CHST9: variants seen among roughly 807,000 people sequenced by gnomAD.
CHST9 encodes GalNAc-4-sulfotransferase 2.
In CHST9, 41 loss-of-function variants were observed where a neutral mutation model predicts 44.4. The ratio of observed to expected loss-of-function variants is 0.92; its 90% CI spans 0.72 to 1.20. CHST9 has a LOEUF of 1.20. Ranked by LOEUF, CHST9 falls within the 50% of genes most tolerant of loss-of-function variation. The pLI is 0.00. For missense variants in CHST9, 504 were observed against 516.5 expected (o/e 0.98, Z 0.23); for synonymous variants, 171 against 178.4 (o/e 0.96, Z 0.33).
intron 4 of CHST9, among the ~76,000 whole-genome samples, chr18:26,998,187 G>T (rs1280123335): frequency 6.6e-6 from 1 of 152,104 alleles, no homozygotes; most frequent in Non-Finnish European, 1.5e-5. Context: ...TCTCTCCGTT[G>T]TGCCCTCCTG....
At chr18:26,917,630 T>C (rs1478762031) in intron 5 of CHST9, among the ~76,000 whole-genome samples, 3 of 152,140 alleles carry the variant, frequency 2.0e-5, no homozygotes, top group African/African-American at 4.8e-5. Flanking sequence ...ACTCAACCAT[T>C]CTGAGCATCT....
At chr18:27,136,500 G>A (rs1374961491) in intron 2 of CHST9, among the ~76,000 whole-genome samples, 2 of 152,154 alleles carry the variant, frequency 1.3e-5, no homozygotes, top group South Asian at 2.1e-4. Context: ...ACTGCAGGGT[G>A]GCTTAGTTGG....
At chr18:26,969,366 C>CTGTGTGTGTGTGTGTGTGTGTG in intron 4 of CHST9, among the ~76,000 whole-genome samples, 1 of 99,492 alleles carries the variant, frequency 1.0e-5, no homozygotes, top group African/African-American at 6.7e-5. Context: ...TTGATTCTCT[C>CTGTGTGTGTGTGTGTGTGTGTG]TCTCTCTCTC....
intron 5 of CHST9, among the ~76,000 whole-genome samples, chr18:26,920,140 C>A (rs1225919773): frequency 1.3e-5 from 2 of 152,144 alleles, no homozygotes; most frequent in African/African-American, 4.8e-5. Context: ...GTTCCTTGAC[C>A]ACTTTGTTTT....
intron 4 of CHST9, among the ~76,000 whole-genome samples, chr18:26,949,669 C>T (rs1051081252): frequency 1.3e-5 from 2 of 152,198 alleles, no homozygotes; most frequent in African/African-American, 4.8e-5. Context: ...TAATGGCCCC[C>T]AACATGTCCA....
chr18:27,097,167 AAAAACC>A (rs2058125421), intron 2 of CHST9, among the ~76,000 whole-genome samples: 1 of 152,158 alleles, frequency 6.6e-6, no homozygotes, highest in Admixed American at 6.5e-5. Context: ...AATTTAAAAC[AAAAACC>A]ATATGATCAT....
chr18:26,993,381 A>T (rs991216938), intron 4 of CHST9, among the ~76,000 whole-genome samples: 1 of 152,218 alleles, frequency 6.6e-6, no homozygotes, highest in Non-Finnish European at 1.5e-5. Context: ...AGGTCCAGAA[A>T]TGAAGGTGGT....
chr18:26,937,366 C>G (rs902436114), intron 5 of CHST9, among the ~76,000 whole-genome samples: 1 of 152,104 alleles, frequency 6.6e-6, no homozygotes, highest in African/African-American at 2.4e-5. Context: ...ATTCCAGGGT[C>G]TCAGAACAGA....
At chr18:27,151,464 G>C (rs534705246) in intron 1 of CHST9, among the ~76,000 whole-genome samples, 1 of 152,122 alleles carries the variant, frequency 6.6e-6, no homozygotes, top group Non-Finnish European at 1.5e-5. Flanking sequence ...CTCCCAAAAG[G>C]TCCACCCCCT....
intron 4 of CHST9, among the ~76,000 whole-genome samples, chr18:26,984,729 C>CAAAAAAA (rs200222761): frequency 6.5e-5 from 4 of 61,712 alleles, no homozygotes; most frequent in Non-Finnish European, 1.1e-4. Flanking sequence ...TACCAAAAGA[C>CAAAAAAA]AAAAAAAAAA....
intron 2 of CHST9, among the ~76,000 whole-genome samples, chr18:27,116,106 T>C (rs2058317595): frequency 1.3e-5 from 2 of 152,212 alleles, no homozygotes; most frequent in African/African-American, 4.8e-5. Context: ...ACTTTCTTTA[T>C]AGTGACCTTT....
intron 2 of CHST9, among the ~76,000 whole-genome samples, chr18:27,098,833 A>T (rs1196587324): frequency 2.0e-5 from 3 of 151,924 alleles, no homozygotes; most frequent in African/African-American, 7.3e-5. Flanking sequence ...AACTGGAAAA[A>T]AAAAAAACAA....
intron 4 of CHST9, among the ~76,000 whole-genome samples, chr18:27,017,137 G>GA (rs1568134556): frequency 1.3e-5 from 2 of 151,966 alleles, no homozygotes; most frequent in Admixed American, 6.5e-5. Flanking sequence ...ATATTTCTCA[G>GA]AAAAAAGAGA....
At chr18:26,923,862 A>T (rs181029635) in intron 5 of CHST9, among the ~76,000 whole-genome samples, 23 of 152,256 alleles carry the variant, frequency 1.5e-4, no homozygotes, top group African/African-American at 5.3e-4. Flanking sequence ...AAATTTCACA[A>T]GGGAGGTGAT....
intron 4 of CHST9, among the ~76,000 whole-genome samples, chr18:26,999,377 A>G (rs540189045): frequency 2.0e-5 from 3 of 152,324 alleles, no homozygotes; most frequent in East Asian, 1.9e-4. Context: ...TGGATTTTCA[A>G]AATCAATTCT....
chr18:27,110,598 T>A (rs1049084083), intron 2 of CHST9, among the ~76,000 whole-genome samples: 1 of 152,168 alleles, frequency 6.6e-6, no homozygotes, highest in Admixed American at 6.5e-5. Flanking sequence ...GTTTCTAGGT[T>A]GCACATATAG....
intron 5 of CHST9, among the ~76,000 whole-genome samples, chr18:26,918,119 G>A (rs1040650336): frequency 4.6e-5 from 7 of 152,104 alleles, no homozygotes; most frequent in Non-Finnish European, 7.4e-5. Context: ...ACCACATACT[G>A]TTCATCTTGC....
At chr18:26,968,402 C>T (rs1271549441) in intron 4 of CHST9, among the ~76,000 whole-genome samples, 2 of 152,092 alleles carry the variant, frequency 1.3e-5, no homozygotes, top group Non-Finnish European at 2.9e-5. Flanking sequence ...TTTTAACCAA[C>T]GTTTAAAAAA....
chr18:26,933,750 G>T (rs2055923880), intron 5 of CHST9: 1 of 153,492 alleles, frequency 6.5e-6, no homozygotes, highest in Admixed American at 6.5e-5. Context: ...TGTTCTCAAG[G>T]TACTCACATT....
Sources: gnomAD v4.1 joint callset for allele counts (sites outside exome capture counted in the v4.1 genomes callset) on GRCh38, gnomAD v4.1.1 for gene constraint, MANE v1.5 for transcripts, NCBI Gene and HGNC (gene_info 2026-07-23, HGNC 2026-07-21) for gene names.